Variants in CRYL1 observed in about 807,000 individuals in gnomAD.
CRYL1 encodes lambda-crystallin homolog.
A neutral mutation model predicts 36.6 loss-of-function variants in CRYL1; 29 were observed. That is an observed-to-expected ratio of 0.79 (90% CI 0.59 to 1.08). The LOEUF is 1.08. Ranked by LOEUF, CRYL1 falls within the 50% of genes least tolerant of loss-of-function variation. CRYL1 has a pLI of 0.00. For missense variants in CRYL1, 411 were observed against 407.9 expected (o/e 1.01, Z -0.06); for synonymous variants, 152 against 151.5 (o/e 1.00, Z -0.02).
intron 3 of CRYL1, among the ~76,000 whole-genome samples, chr13:20,440,266 T>A (rs1424654078): frequency 6.6e-6 from 1 of 152,216 alleles, no homozygotes; most frequent in African/African-American, 2.4e-5. Context: ...CATGTAAAAC[T>A]TACAATAAAT....
Position 20,430,322 on chromosome 13 carries a change from G to T in CRYL1, c.633+1780C>A, listed in dbSNP as rs115422004. ...GTATCCTGCTAGATTTTGGCACTCA[G>T]TTCCTTACAGGGACTCCAGGCATCT... On this transcript the variant is annotated intron_variant, in intron 5 of 7. Coordinates refer to ENST00000298248, the MANE Select transcript of CRYL1 (RefSeq NM_015974.3). 304 of 985,340 alleles carry T rather than the reference G, an allele frequency of 3.1e-4. 2 individuals are homozygous for T. In the African/African-American group the frequency reaches 4.9e-3, roughly 16 times the overall value. 61.0% of individuals were successfully genotyped at this position (985,340 alleles called of 1,614,324 possible). A position where few individuals can be genotyped will look rare whatever the true frequency, so the allele number is the denominator to read the frequency against.
intron 1 of CRYL1, among the ~76,000 whole-genome samples, chr13:20,514,098 A>G (rs966983539): frequency 6.6e-6 from 1 of 152,190 alleles, no homozygotes; most frequent in Non-Finnish European, 1.5e-5. Context: ...TCCCTTGCAG[A>G]AAAATGCCAA....
In CRYL1 at chr13:20,500,138, C is replaced by T. The variant is rs149817838; in HGVS notation, c.150-10642G>A. Among the ~76,000 whole-genome samples the T allele has an allele frequency of 2.9e-4, 44 of 152,306 alleles. No homozygotes were observed. In the East Asian group the frequency reaches 6.7e-3, roughly 23 times the overall value. ...GCAGAGCAGGAGTTGTCTGCATGGA[C>T]GGAACTAATGGAGGACTGAAATAAC... On this transcript the variant is annotated intron_variant, in intron 2 of 7. Transcript: ENST00000298248.
At chr13:20,498,508 G>A (rs1231900334) in intron 2 of CRYL1, among the ~76,000 whole-genome samples, 1 of 152,162 alleles carries the variant, frequency 6.6e-6, no homozygotes, top group Non-Finnish European at 1.5e-5. Flanking sequence ...TTGGAGCATT[G>A]ATCTGCTCTT....
chr13:20,449,544 A>G (rs956038920), intron 3 of CRYL1, among the ~76,000 whole-genome samples: 1 of 152,190 alleles, frequency 6.6e-6, no homozygotes, highest in African/African-American at 2.4e-5. Context: ...GAATAATCAC[A>G]TTAGATGTAA....
chr13:20,418,046 G>A (rs2137372218), intron 5 of CRYL1, among the ~76,000 whole-genome samples: 1 of 152,296 alleles, frequency 6.6e-6, no homozygotes, highest in Non-Finnish European at 1.5e-5. Context: ...CTCCAGGCAG[G>A]AACTACCCCA....
At chr13:20,427,963 A>T (rs1041609174) in intron 5 of CRYL1, among the ~76,000 whole-genome samples, 2 of 152,148 alleles carry the variant, frequency 1.3e-5, no homozygotes, top group South Asian at 4.2e-4. Flanking sequence ...TCAAAACTCA[A>T]TCAAGATGAA....
rs552188370 is a variant in CRYL1 at position 20,469,352 on chromosome 13, A to G, written c.276+20018T>C. Among the ~76,000 whole-genome samples the G allele has an allele frequency of 1.4e-4, 22 of 152,334 alleles. No individual in the cohort carries two copies. The South Asian group carries it at 4.6e-3, about 32-fold the overall frequency. ...TTTCTTCTGTAAATCCACAGACAAA[A>G]CAAGCAATGTTTTACACCTCTGAAC... On this transcript the variant is annotated intron_variant, in intron 3 of 7. Transcript: ENST00000298248.
rs748732701 is a variant in CRYL1 at position 20,425,154 on chromosome 13, C to T, written c.633+6948G>A. ...GCAAACCACAGCAATTCACTTCCAACGCCGTCCTTCCCCAGAAAAGCTGCC... is the reference window on the plus strand; with the variant it reads ...GCAAACCACAGCAATTCACTTCCAATGCCGTCCTTCCCCAGAAAAGCTGCC... On this transcript the variant is annotated intron_variant, in intron 5 of 7. Coordinates refer to ENST00000298248, the MANE Select transcript of CRYL1 (RefSeq NM_015974.3). This position sits in a 1 kb window ranked among gnomAD's most constrained non-coding sequence, Gnocchi z 4.4. Among the ~76,000 whole-genome samples, 9 of 152,320 alleles carry T rather than the reference C, an allele frequency of 5.9e-5. No homozygotes were observed. The highest frequency in any genetic ancestry group is 4.1e-4 in the South Asian group (2 of 4,828).
chr13:20,474,374 G>C (rs961143281), intron 3 of CRYL1, among the ~76,000 whole-genome samples: 3 of 152,088 alleles, frequency 2.0e-5, no homozygotes, highest in Admixed American at 1.3e-4. Flanking sequence ...TGGGATGTAG[G>C]CTTCCTCTAA....
chr13:20,492,037 G>T (rs569771050), intron 2 of CRYL1, among the ~76,000 whole-genome samples: 1 of 152,150 alleles, frequency 6.6e-6, no homozygotes, highest in Non-Finnish European at 1.5e-5. Flanking sequence ...ATGAGAAAAG[G>T]TTCCTCTATT....
intron 5 of CRYL1, among the ~76,000 whole-genome samples, chr13:20,423,558 C>T (rs1389519621): frequency 1.3e-5 from 2 of 152,254 alleles, no homozygotes; most frequent in Middle Eastern, 3.4e-3. Flanking sequence ...TGACATATCA[C>T]ATTTATAGAT....
chr13:20,502,049 A>C (rs1389474624), intron 2 of CRYL1, among the ~76,000 whole-genome samples: 2 of 152,202 alleles, frequency 1.3e-5, no homozygotes, highest in Non-Finnish European at 2.9e-5. Context: ...GTTTTCATTA[A>C]GAAGAGTAGC....
chr13:20,436,060 C>T (rs367744402), intron 4 of CRYL1, among the ~76,000 whole-genome samples: 4 of 152,332 alleles, frequency 2.6e-5, no homozygotes, highest in African/African-American at 9.6e-5. Flanking sequence ...CAATATTTAC[C>T]ACCAATACCA....
intron 3 of CRYL1, among the ~76,000 whole-genome samples, chr13:20,448,392 G>A (rs1934743078): frequency 6.6e-6 from 1 of 152,148 alleles, no homozygotes; most frequent in South Asian, 2.1e-4. Flanking sequence ...AGAAATGATA[G>A]CTAAGAATAT....
At chr13:20,498,995 G>T (rs959774584) in intron 2 of CRYL1, among the ~76,000 whole-genome samples, 6 of 152,214 alleles carry the variant, frequency 3.9e-5, no homozygotes, top group East Asian at 1.9e-4. Flanking sequence ...CAGCTATTAG[G>T]TTCCCTGAAG....
intron 3 of CRYL1, among the ~76,000 whole-genome samples, chr13:20,447,528 C>T (rs2032482638): frequency 3.9e-5 from 6 of 152,044 alleles, no homozygotes; most frequent in Admixed American, 3.9e-4. Context: ...CCCCCCCTCC[C>T]TAGGCTGACA....
intron 3 of CRYL1, among the ~76,000 whole-genome samples, chr13:20,472,328 A>G (rs910319926): frequency 6.6e-6 from 1 of 152,170 alleles, no homozygotes; most frequent in Non-Finnish European, 1.5e-5. Context: ...AAGAAAAAAT[A>G]TGTACATGTT....
chr13:20,460,867 T>C (rs2032803229), intron 3 of CRYL1, among the ~76,000 whole-genome samples: 1 of 152,182 alleles, frequency 6.6e-6, no homozygotes, highest in Non-Finnish European at 1.5e-5. Flanking sequence ...TGCTAATTTA[T>C]TGAAAAGTGA....
Sources: allele counts gnomAD v4.1 joint callset (sites outside exome capture counted in the v4.1 genomes callset), GRCh38; gene constraint gnomAD v4.1.1; non-coding constraint Gnocchi (gnomAD v3.1); transcripts MANE v1.5; gene names NCBI Gene and HGNC (gene_info 2026-07-23, HGNC 2026-07-21).